Variants in MAML3 observed in about 807,000 individuals in gnomAD.
The protein encoded by MAML3 is mastermind like transcriptional coactivator 3, also known as mastermind-like protein 3.
MAML3 carries 27 observed loss-of-function variants against 101.9 expected under a neutral mutation model. That is an observed-to-expected ratio of 0.27 (90% confidence interval 0.20 to 0.37). The LOEUF is 0.37. Among genes scored for constraint, MAML3 ranks in the 10% least tolerant of loss-of-function variants. The pLI is 1.00. For synonymous variants in MAML3, 501 were observed against 555.9 expected (o/e 0.90, Z 1.39); for missense variants, 1,316 against 1,444.9 (o/e 0.91, Z 1.45).
intron 2 of MAML3, among the ~76,000 whole-genome samples, chr4:139,777,218 G>A (rs1217937319): frequency 6.6e-6 from 1 of 152,160 alleles, no homozygotes; most frequent in Non-Finnish European, 1.5e-5. Context: ...TGACTAACAT[G>A]GATCTTAGAC....
intron 1 of MAML3, among the ~76,000 whole-genome samples, chr4:140,095,095 C>T (rs1728134459): frequency 6.6e-6 from 1 of 152,260 alleles, no homozygotes; most frequent in Non-Finnish European, 1.5e-5. Context: ...GACCCTGCCT[C>T]AGGCAGGAGC....
intron 1 of MAML3, among the ~76,000 whole-genome samples, chr4:140,109,732 C>G (rs1272624164): frequency 6.6e-6 from 1 of 152,212 alleles, no homozygotes; most frequent in African/African-American, 2.4e-5. Context: ...CCCAATGCCT[C>G]TAACATATTT....
At chr4:139,966,880 T>C (rs1176922652) in intron 1 of MAML3, among the ~76,000 whole-genome samples, 1 of 152,000 alleles carries the variant, frequency 6.6e-6, no homozygotes, top group Non-Finnish European at 1.5e-5. Flanking sequence ...TTCCCACTAA[T>C]CAAGTGCACT....
At chr4:140,092,955 CAGACAAG>C (rs1728086983) in intron 1 of MAML3, among the ~76,000 whole-genome samples, 1 of 152,196 alleles carries the variant, frequency 6.6e-6, no homozygotes, top group Non-Finnish European at 1.5e-5. Context: ...AGTGTGACAG[CAGACAAG>C]AGACAAGTAG....
At chr4:140,037,896 T>C (rs552724764) in intron 1 of MAML3, among the ~76,000 whole-genome samples, 1 of 152,384 alleles carries the variant, frequency 6.6e-6, no homozygotes, top group East Asian at 1.9e-4. Flanking sequence ...GCTCTCTTTG[T>C]GGTGATAATT....
At chr4:139,962,888 G>T (rs1436645980) in intron 1 of MAML3, among the ~76,000 whole-genome samples, 9 of 149,746 alleles carry the variant, frequency 6.0e-5, no homozygotes, top group Non-Finnish European at 1.5e-5. Flanking sequence ...GAATGCCTTG[G>T]TGCTTCTTTT....
chr4:139,949,540 C>T (rs1733797178), intron 1 of MAML3, among the ~76,000 whole-genome samples: 1 of 152,212 alleles, frequency 6.6e-6, no homozygotes, highest in South Asian at 2.1e-4. Context: ...TGGCTTGTAA[C>T]ATAACTTTTA....
chr4:139,865,680 T>C (rs1731885082), intron 2 of MAML3, among the ~76,000 whole-genome samples: 1 of 152,206 alleles, frequency 6.6e-6, no homozygotes, highest in African/African-American at 2.4e-5. Flanking sequence ...TGACTCTGCC[T>C]TAATCTCCTC....
intron 2 of MAML3, among the ~76,000 whole-genome samples, chr4:139,823,500 G>C (rs1333129608): frequency 1.3e-5 from 2 of 152,128 alleles, no homozygotes; most frequent in Admixed American, 6.5e-5. Context: ...CAGCTTCTGT[G>C]TGTCTGCATG....
chr4:140,136,645 A>G (rs967428976), intron 1 of MAML3, among the ~76,000 whole-genome samples: 14 of 152,338 alleles, frequency 9.2e-5, no homozygotes, highest in African/African-American at 3.4e-4. Flanking sequence ...GCAGTGTTTA[A>G]TCATTCCCTT....
intron 1 of MAML3, among the ~76,000 whole-genome samples, chr4:139,916,562 C>T (rs753136753): frequency 5.9e-5 from 9 of 152,158 alleles, no homozygotes; most frequent in Non-Finnish European, 1.2e-4. Flanking sequence ...CAATCCTGCT[C>T]GTAAGCATGT....
At chr4:139,734,612 T>A (rs571111268) in intron 2 of MAML3, among the ~76,000 whole-genome samples, 3 of 152,324 alleles carry the variant, frequency 2.0e-5, no homozygotes, top group South Asian at 4.1e-4. Flanking sequence ...AAGGCTAGAG[T>A]GAGGTAGGAG....
intron 1 of MAML3, among the ~76,000 whole-genome samples, chr4:140,049,176 C>T (rs1041195104): frequency 5.9e-5 from 9 of 152,140 alleles, no homozygotes; most frequent in Middle Eastern, 3.2e-3. Context: ...TGGCATTTAT[C>T]GCAAGTACAG....
chr4:140,134,955 G>C (rs764529088), intron 1 of MAML3, among the ~76,000 whole-genome samples: 13 of 152,308 alleles, frequency 8.5e-5, no homozygotes, highest in Middle Eastern at 3.4e-3. Flanking sequence ...TCCCAGGACC[G>C]AGTAGCCCTG....
At position 140,153,789 on chromosome 4, in the gene MAML3, G is replaced by GAT; in HGVS notation, c.-463_-462insAT. On this transcript the variant is annotated 5_prime_UTR_variant, in exon 1 of 5. It removes the in-frame stop codon of an upstream open reading frame in the 5' UTR. Coordinates refer to ENST00000509479, the MANE Select transcript of MAML3 (RefSeq NM_018717.5). ...CACACAAGCATATGCCTCCAGTGCG[G>GAT]ACACGCGCGACACACACTCACTCCA... 1 of 153,784 alleles carries GAT rather than the reference G, an allele frequency of 6.5e-6. No individual in the cohort carries two copies. The highest frequency in any genetic ancestry group is 2.1e-4 in the South Asian group (1 of 4,848). 9.5% of individuals were successfully genotyped at this position (153,784 alleles called of 1,614,324 possible). A position where few individuals can be genotyped will look rare whatever the true frequency, so the allele number is the denominator to read the frequency against.
chr4:139,816,495 A>T (rs795994), intron 2 of MAML3, among the ~76,000 whole-genome samples: 55,670 of 151,886 alleles, frequency 0.37, 10,596 homozygotes, highest in East Asian at 0.64. Context: ...TATAAGGCTT[A>T]CTGTGATTCC....
intron 1 of MAML3, among the ~76,000 whole-genome samples, chr4:139,999,511 A>C (rs138565496): frequency 8.5e-5 from 13 of 152,298 alleles, no homozygotes; most frequent in African/African-American, 3.1e-4. Context: ...TTTCCAAAGC[A>C]CTGAAGTGAT....
At chr4:139,933,041 C>G (rs1395391391) in intron 1 of MAML3, among the ~76,000 whole-genome samples, 1 of 152,092 alleles carries the variant, frequency 6.6e-6, no homozygotes, top group Non-Finnish European at 1.5e-5. Flanking sequence ...AGCAGACAGA[C>G]AGGCCAAGGG....
rs1728907481 is a variant in MAML3, at chr4:139,735,609, C to T, written c.2080-4942G>A. Reference sequence around the variant, plus strand: ...TCGGGTCGGCCCGGCACCGCTGCTTCGGCTCAGAGTCCTTGCAATCGCTTG... The same window carrying T: ...TCGGGTCGGCCCGGCACCGCTGCTTTGGCTCAGAGTCCTTGCAATCGCTTG... On this transcript the variant is annotated intron_variant, in intron 2 of 4. Coordinates refer to ENST00000509479, the MANE Select transcript of MAML3 (RefSeq NM_018717.5). This position sits in a 1 kb window ranked among gnomAD's most constrained non-coding sequence, Gnocchi z 5.8. Among the ~76,000 whole-genome samples, 1 of 152,206 alleles carries T rather than the reference C, an allele frequency of 6.6e-6. No homozygotes were observed.
Sources: allele counts gnomAD v4.1 joint callset (sites outside exome capture counted in the v4.1 genomes callset), GRCh38; gene constraint gnomAD v4.1.1; non-coding constraint Gnocchi (gnomAD v3.1); transcripts MANE v1.5; gene names NCBI Gene and HGNC (gene_info 2026-07-23, HGNC 2026-07-21).